HOXA3: variants seen among roughly 807,000 people sequenced by gnomAD.
HOXA3 encodes homeobox protein Hox-A3.
In HOXA3, 8 loss-of-function variants were observed where a neutral mutation model predicts 30.3. The ratio of observed to expected loss-of-function variants is 0.26; its 90% CI spans 0.15 to 0.48. The LOEUF (loss-of-function observed/expected upper bound fraction) is 0.48, where lower values mean the gene tolerates loss of function less well. HOXA3 is among the 20% of genes least tolerant of loss of function. The pLI, the probability that HOXA3 is intolerant of heterozygous loss-of-function variation, is 0.99. For synonymous variants in HOXA3, 323 were observed against 273.1 expected, an observed-to-expected ratio of 1.18 and a Z score of -1.80; for missense variants, 653 against 614.4, an observed-to-expected ratio of 1.06 and a Z score of -0.66.
intron 2 of HOXA3, among the ~76,000 whole-genome samples, chr7:27,139,782 C>G (rs1344369124): frequency 6.6e-6 from 1 of 152,196 alleles, no homozygotes; most frequent in African/African-American, 2.4e-5. Flanking sequence ...CAGGCCCATT[C>G]GCACACAAAA....
chr7:27,139,699 C>A (rs932414063), intron 2 of HOXA3, among the ~76,000 whole-genome samples: 1 of 152,160 alleles, frequency 6.6e-6, no homozygotes, highest in Non-Finnish European at 1.5e-5. Flanking sequence ...TCCGCGACCC[C>A]CAGGAGCTGG....
At chr7:27,137,728 A>G (rs2128057684) in intron 2 of HOXA3, among the ~76,000 whole-genome samples, 1 of 152,318 alleles carries the variant, frequency 6.6e-6, no homozygotes, top group East Asian at 1.9e-4. Flanking sequence ...ATTCTACTTA[A>G]GTTTTGTGAA....
chr7:27,126,072 T>C (rs754093102), intron 3 of HOXA3, among the ~76,000 whole-genome samples: 21 of 152,214 alleles, frequency 1.4e-4, no homozygotes, highest in Non-Finnish European at 4.4e-5. Context: ...AGTACTCTAC[T>C]ATGCCTGTCA....
chr7:27,147,716 C>T (rs1290978067), intron 1 of HOXA3: 2 of 1,611,298 alleles, frequency 1.2e-6, no homozygotes, highest in Non-Finnish European at 1.7e-6. Flanking sequence ...GGAAGGCTCC[C>T]GGGGAAAGTG....
intron 2 of HOXA3, among the ~76,000 whole-genome samples, chr7:27,137,153 G>T (rs1042093976): frequency 2.6e-5 from 4 of 152,076 alleles, no homozygotes; most frequent in African/African-American, 9.7e-5. Flanking sequence ...TAATTATTTC[G>T]ATATAATACT....
In HOXA3 at chr7:27,110,347, C is replaced by T. The variant is rs771223741; in HGVS notation, c.294G>A (p.Ala98=). Residue 98 remains alanine (A), a synonymous_variant, in exon 5 of 6, where the codon GCG becomes GCA. Transcript: ENST00000612286. ...PPLHPPPPQA[A]PPAPQPPQPA... ...GCTGAGGCGGCTGTGGGGCAGGGGG[C>T]GCGGCCTGGGGCGGCGGCGGGTGCA... 2 of 1,501,002 alleles carry T rather than the reference C, an allele frequency of 1.3e-6. No homozygotes were observed. Among genetic ancestry groups the T allele is most frequent in the Non-Finnish European group, 8.9e-7 (1 of 1,128,558 alleles). 93.0% of individuals were successfully genotyped at this position (1,501,002 alleles called of 1,614,324 possible). A position where few individuals can be genotyped will look rare whatever the true frequency, so the allele number is the denominator to read the frequency against.
At chr7:27,147,497 G>A (rs773384418) in intron 1 of HOXA3, 2 of 1,614,184 alleles carry the variant, frequency 1.2e-6, no homozygotes, top group East Asian at 4.5e-5. Flanking sequence ...GCGCCACTGA[G>A]GTCCTTATCA....
At chr7:27,152,093 T>C (rs1562735223) in intron 1 of HOXA3, among the ~76,000 whole-genome samples, 195 bp downstream of exon 1, 1 of 37,062 alleles carries the variant, frequency 2.7e-5, no homozygotes, top group African/African-American at 3.6e-5. Context: ...TGTGTGTGTG[T>C]GCGTGCGCGC....
At chr7:27,144,229 C>T (rs1320696613) in intron 1 of HOXA3, among the ~76,000 whole-genome samples, 1 of 152,164 alleles carries the variant, frequency 6.6e-6, no homozygotes, top group African/African-American at 2.4e-5. Context: ...TTTGAAAATA[C>T]AGATATCACC....
intron 2 of HOXA3, chr7:27,129,142 G>C (rs1250329458): frequency 3.5e-6 from 3 of 862,796 alleles, no homozygotes; most frequent in Admixed American, 1.7e-5. Flanking sequence ...GGTCCAGATG[G>C]GGAGGGGTGG....
chr7:27,136,650 C>T (rs908485423), intron 2 of HOXA3, among the ~76,000 whole-genome samples: 2 of 152,170 alleles, frequency 1.3e-5, no homozygotes, highest in African/African-American at 2.4e-5. Flanking sequence ...ACTGCGCGGG[C>T]GTCATTTGTT....
intron 4 of HOXA3, among the ~76,000 whole-genome samples, chr7:27,120,062 A>C (rs1784928404): frequency 6.6e-6 from 1 of 151,988 alleles, no homozygotes; most frequent in South Asian, 2.1e-4. Flanking sequence ...TCTCATTCTT[A>C]CTGCTGCCTG....
chr7:27,141,837 A>T, intron 1 of HOXA3: 1 of 1,613,864 alleles, frequency 6.2e-7, no homozygotes, highest in Non-Finnish European at 8.5e-7. Flanking sequence ...TCAGATACTC[A>T]GGGACGGAAG....
intron 2 of HOXA3, among the ~76,000 whole-genome samples, chr7:27,137,695 T>G (rs1022091766): frequency 2.0e-5 from 3 of 152,216 alleles, no homozygotes; most frequent in Non-Finnish European, 4.4e-5. Flanking sequence ...CATGTGGCCA[T>G]GTGGGTTTGC....
chr7:27,129,627 GA>G, intron 2 of HOXA3: 7 of 1,590,844 alleles, frequency 4.4e-6, no homozygotes, highest in Non-Finnish European at 6.0e-6. Context: ...GGAAGAGAGG[GA>G]AAGGAGGAGG....
chr7:27,111,872 A>C, intron 4 of HOXA3, among the ~76,000 whole-genome samples: 1 of 152,122 alleles, frequency 6.6e-6, no homozygotes, highest in East Asian at 1.9e-4. Flanking sequence ...ATGTAATTTG[A>C]TGTATGGGGG....
chr7:27,110,222 G>A lies in HOXA3; in HGVS notation c.419C>T (p.Ala140Val), dbSNP rs769208429. ...TGAGTTGAGCAGGGGGCTCTTGGCC[G>A]CGTTGGCAGGGGTAGGGTTGTTGCT... Reference protein sequence around the residue: ...NASNNPTPANAAKSPLLNSPT... With the variant: ...NASNNPTPANVAKSPLLNSPT... The change falls in exon 5 of 6, where the codon GCG becomes GTG. Residue 140 changes from alanine to valine, a missense_variant. Ala to Val is a moderately conservative substitution (Grantham distance 64, BLOSUM62 0). Around this residue, in one of 3 missense-constraint regions of HOXA3, gnomAD observed 320 missense variants for 321.9 expected, o/e 0.99. Transcript: ENST00000612286. 3.6e-5 allele frequency: 58 copies of A among 1,614,060 alleles called. No individual in the cohort carries two copies. The highest frequency in any genetic ancestry group is 1.3e-4 in the East Asian group (6 of 44,872).
chr7:27,116,781 A>C (rs1418112219), intron 4 of HOXA3: 1 of 152,230 alleles, frequency 6.6e-6, no homozygotes, highest in African/African-American at 2.4e-5. Flanking sequence ...CAAGTAATTG[A>C]ACAGCAATTA....
At position 27,110,498 on chromosome 7, in the gene HOXA3, G is replaced by T; in HGVS notation, c.143C>A (p.Pro48His). The T allele has an allele frequency of 6.2e-7, 1 of 1,605,090 alleles. No homozygotes were observed. The highest frequency in any genetic ancestry group is 8.5e-7 in the Non-Finnish European group (1 of 1,174,046). The change falls in exon 5 of 6, where the codon CCC becomes CAC. Residue 48 changes from proline (P) to histidine (H), a missense_variant. This residue lies in a region of HOXA3 where 320 missense variants were observed against 321.9 expected (regional missense o/e 0.99). Transcript: ENST00000612286. The part of the protein sequence containing the change: ...ALGADGEYHR[P>H]ACSLQSPSSA... ...GGAGGGAGACTGGAGGGAGCAGGCG[G>T]GTCGGTGGTACTCGCCGTCGGCGCC... is the stretch of plus-strand genomic sequence containing the variant.
Sources: allele counts gnomAD v4.1 joint callset (sites outside exome capture counted in the v4.1 genomes callset), GRCh38; gene constraint gnomAD v4.1.1; regional missense constraint gnomAD v4.1.1; transcripts MANE v1.5; gene names NCBI Gene and HGNC (gene_info 2026-07-23, HGNC 2026-07-21).